Variants in PHACTR1 observed in about 807,000 individuals in gnomAD.
PHACTR1 encodes RPEL repeat containing 1.
In PHACTR1, 16 loss-of-function variants were observed where a neutral mutation model predicts 69.2. That is an observed-to-expected ratio of 0.23 (90% CI 0.16 to 0.35). The LOEUF is 0.35. PHACTR1 is among the 10% of genes least tolerant of loss of function. PHACTR1 has a pLI of 1.00. For missense variants in PHACTR1, 510 were observed against 734.7 expected (o/e 0.69, Z 3.54); for synonymous variants, 312 against 284.5 (o/e 1.10, Z -0.97).
intron 9 of PHACTR1, 132 bp downstream of exon 9, chr6:13,228,195 G>T (rs1045163682): frequency 8.5e-7 from 1 of 1,175,492 alleles, no homozygotes. Context: ...CTGGGTCGTA[G>T]GGCAGCTTAG....
chr6:13,020,712 A>C (rs1389166720), intron 4 of PHACTR1, among the ~76,000 whole-genome samples: 3 of 152,184 alleles, frequency 2.0e-5, no homozygotes, highest in Non-Finnish European at 2.9e-5. Context: ...TCTCCTCATG[A>C]CTGCTATGTT....
At chr6:12,843,256 G>T (rs1354529010) in intron 4 of PHACTR1, among the ~76,000 whole-genome samples, 1 of 152,186 alleles carries the variant, frequency 6.6e-6, no homozygotes, top group African/African-American at 2.4e-5. Flanking sequence ...TAGCTCCGGA[G>T]GTTTGGACAG....
chr6:12,774,178 A>G (rs1045406541), intron 4 of PHACTR1, among the ~76,000 whole-genome samples: 3 of 152,122 alleles, frequency 2.0e-5, no homozygotes, highest in Non-Finnish European at 4.4e-5. Context: ...TTAGCCTTTC[A>G]TATGTTTTTG....
chr6:12,791,874 G>T (rs1396519765), intron 4 of PHACTR1, among the ~76,000 whole-genome samples: 1 of 152,190 alleles, frequency 6.6e-6, no homozygotes, highest in African/African-American at 2.4e-5. Context: ...GCACCATAGT[G>T]GGGAAAGCAG....
chr6:12,908,962 C>A (rs1276282588), intron 4 of PHACTR1, among the ~76,000 whole-genome samples: 5 of 152,226 alleles, frequency 3.3e-5, no homozygotes, highest in Non-Finnish European at 7.4e-5. Context: ...CATCAGGTGG[C>A]TGCATAGAGA....
At chr6:12,802,629 A>G (rs145961167) in intron 4 of PHACTR1, among the ~76,000 whole-genome samples, 20 of 152,332 alleles carry the variant, frequency 1.3e-4, no homozygotes, top group African/African-American at 7.2e-5. Context: ...GAGAAAACCA[A>G]TTAAACTATG....
chr6:12,868,143 G>C (rs1009654483), intron 4 of PHACTR1, among the ~76,000 whole-genome samples: 1 of 151,846 alleles, frequency 6.6e-6, no homozygotes, highest in Non-Finnish European at 1.5e-5. Flanking sequence ...TATAATCCTA[G>C]CTACTCAGGA....
At chr6:13,009,593 A>G (rs2127641811) in intron 4 of PHACTR1, among the ~76,000 whole-genome samples, 1 of 152,210 alleles carries the variant, frequency 6.6e-6, no homozygotes, top group African/African-American at 2.4e-5. Context: ...AAAGTCTCAT[A>G]ACAGCTGGGC....
chr6:13,251,038 GAA>G (rs1774322810), intron 10 of PHACTR1, among the ~76,000 whole-genome samples: 1 of 152,202 alleles, frequency 6.6e-6, no homozygotes, highest in Non-Finnish European at 1.5e-5. Context: ...TCTGATCAGT[GAA>G]AGGAGCTACT....
At chr6:12,851,811 C>T (rs1779854713) in intron 4 of PHACTR1, among the ~76,000 whole-genome samples, 2 of 151,914 alleles carry the variant, frequency 1.3e-5, no homozygotes, top group African/African-American at 4.8e-5. Context: ...TGAAAAACAA[C>T]ATTTTTATTT....
chr6:12,832,467 A>T (rs1293812276), intron 4 of PHACTR1, among the ~76,000 whole-genome samples: 1 of 152,130 alleles, frequency 6.6e-6, no homozygotes, highest in Admixed American at 6.6e-5. Context: ...TTACAAAATA[A>T]TTTATGGCCT....
At chr6:13,087,443 A>C (rs991413614) in intron 5 of PHACTR1, among the ~76,000 whole-genome samples, 3 of 151,774 alleles carry the variant, frequency 2.0e-5, no homozygotes, top group African/African-American at 7.2e-5. Flanking sequence ...ACATAGATGA[A>C]ATATTATCAA....
intron 4 of PHACTR1, among the ~76,000 whole-genome samples, chr6:12,898,061 T>C (rs1003722700): frequency 1.3e-5 from 2 of 152,214 alleles, no homozygotes; most frequent in African/African-American, 2.4e-5. Context: ...TTTATTCTAC[T>C]GAACTTCCGG....
At chr6:12,893,820 G>A (rs927553075) in intron 4 of PHACTR1, among the ~76,000 whole-genome samples, 9 of 152,198 alleles carry the variant, frequency 5.9e-5, no homozygotes, top group East Asian at 1.9e-4. Context: ...GCTAAGTCAA[G>A]TGTCACATGG....
chr6:12,923,445 A>G (rs1787932013), intron 4 of PHACTR1, among the ~76,000 whole-genome samples: 1 of 152,246 alleles, frequency 6.6e-6, no homozygotes. Flanking sequence ...AACAAATATT[A>G]TGATAGCACA....
At chr6:13,181,855 A>G (rs866142821) in intron 6 of PHACTR1, among the ~76,000 whole-genome samples, 60 of 152,332 alleles carry the variant, frequency 3.9e-4, no homozygotes, top group African/African-American at 1.2e-3. Flanking sequence ...TGGTCTTCCA[A>G]TCTCTGAGGC....
intron 4 of PHACTR1, among the ~76,000 whole-genome samples, chr6:13,016,632 GTT>G (rs59575469): frequency 7.0e-6 from 1 of 142,352 alleles, no homozygotes; most frequent in African/African-American, 2.6e-5. Context: ...TTACTCAAGA[GTT>G]TTTTTTTTTT....
intron 4 of PHACTR1, among the ~76,000 whole-genome samples, chr6:12,962,838 G>A (rs750248774): frequency 5.3e-5 from 8 of 152,142 alleles, no homozygotes; most frequent in Admixed American, 3.9e-4. Flanking sequence ...GATTGATCCT[G>A]TCATCCAGGT....
intron 4 of PHACTR1, among the ~76,000 whole-genome samples, chr6:12,900,703 A>T (rs755882738): frequency 3.3e-5 from 5 of 152,164 alleles, no homozygotes; most frequent in Non-Finnish European, 7.3e-5. Context: ...GTCTCAAAAT[A>T]TATATACATA....
Sources: allele counts gnomAD v4.1 joint callset (sites outside exome capture counted in the v4.1 genomes callset), GRCh38; gene constraint gnomAD v4.1.1; transcripts MANE v1.5; gene names NCBI Gene and HGNC (gene_info 2026-07-23, HGNC 2026-07-21).